ADAP2: variants seen among roughly 807,000 people sequenced by gnomAD.
ADAP2 encodes the protein arf-GAP with dual PH domain-containing protein 2.
Under a neutral mutation model 54.9 loss-of-function variants are expected in ADAP2, and 42 were observed. That is an observed-to-expected ratio of 0.77 (90% CI 0.60 to 0.99). The LOEUF (loss-of-function observed/expected upper bound fraction) is 0.99. Among genes scored for constraint, ADAP2 ranks in the 50% least tolerant of loss-of-function variants. The probability of loss-of-function intolerance (pLI) is 0.00; values close to 1 mark genes in which losing one functional copy is unlikely to be tolerated. For missense variants in ADAP2, 429 were observed against 480.4 expected (o/e 0.89, Z 1.00); for synonymous variants, 177 against 180.1 (o/e 0.98, Z 0.14).
rs1278112850 is a variant in ADAP2 at position 30,951,627 on chromosome 17, C to T, written c.742-1661C>T. Among the ~76,000 whole-genome samples the T allele has an allele frequency of 1.0e-4, 15 of 150,740 alleles. 1 individual carries two copies. The highest frequency in any genetic ancestry group is 9.9e-4 in the Admixed American group (15 of 15,120). ...CTGGGATTACAGGTGTGAGCCACTG[C>T]ATCTGACCAATATTTTCTTTTCTTT... On this transcript the variant is annotated intron_variant, in intron 7 of 10. Coordinates refer to ENST00000330889, the MANE Select transcript of ADAP2 (RefSeq NM_018404.3).
chr17:30,954,282 G>T (rs1286304834), intron 8 of ADAP2, 196 bp from the exon 9 acceptor site: 10 of 560,826 alleles, frequency 1.8e-5, no homozygotes, highest in Non-Finnish European at 3.3e-5. Flanking sequence ...GTTGGAAGGG[G>T]AATGGGCAGA....
intron 4 of ADAP2, among the ~76,000 whole-genome samples, chr17:30,933,348 T>C (rs1257314227): frequency 6.7e-6 from 1 of 148,598 alleles, no homozygotes; most frequent in Non-Finnish European, 1.5e-5. Flanking sequence ...CAACCACACC[T>C]GGCTAATGTT....
At chr17:30,937,224 T>A (rs1027303381) in intron 5 of ADAP2, among the ~76,000 whole-genome samples, 5 of 151,382 alleles carry the variant, frequency 3.3e-5, no homozygotes, top group African/African-American at 1.2e-4. Context: ...GCGCCCGGCC[T>A]ATTTATTTAT....
intron 10 of ADAP2, 62 bp from the exon 11 acceptor site, chr17:30,957,773 T>A (rs1905178747): frequency 6.5e-7 from 1 of 1,536,602 alleles, no homozygotes; most frequent in African/African-American, 1.4e-5. Context: ...TTGCTGTCCC[T>A]CTCCTCCACA....
intron 3 of ADAP2, among the ~76,000 whole-genome samples, 181 bp from the exon 4 acceptor site, chr17:30,931,708 C>G (rs1911496715): frequency 6.6e-6 from 1 of 151,704 alleles, no homozygotes; most frequent in South Asian, 2.1e-4. Flanking sequence ...GTGATCCCAG[C>G]TACTTAAGAG....
At position 30,949,320 on chromosome 17, in the gene ADAP2, G is replaced by T; in HGVS notation, c.691G>T (p.Ala231Ser). The T allele has an allele frequency of 1.2e-6, 2 of 1,614,176 alleles. No individual in the cohort carries two copies. The highest frequency in any genetic ancestry group is 1.7e-6 in the Non-Finnish European group (2 of 1,180,024). Residue 231 changes from alanine (A) to serine (S), a missense_variant, in exon 7 of 11, where the codon GCC becomes TCC. By Grantham distance (99) the Ala-to-Ser change is moderately conservative (BLOSUM62 1). Coordinates refer to ENST00000330889, the MANE Select transcript of ADAP2 (RefSeq NM_018404.3). ...GGACTGGTTCAATGCCCTCCGTGCA[G>T]CCCGTCTGCAGTACCTAAAAATGGC... Reference protein sequence around the residue: ...IVDWFNALRAARLQYLKMAFP... With the variant: ...IVDWFNALRASRLQYLKMAFP...
At chr17:30,950,291 C>T (rs2142579605) in intron 7 of ADAP2, among the ~76,000 whole-genome samples, 1 of 152,308 alleles carries the variant, frequency 6.6e-6, no homozygotes, top group East Asian at 1.9e-4. Flanking sequence ...CTCCAGACTT[C>T]TGGGGCCTTC....
intron 4 of ADAP2, among the ~76,000 whole-genome samples, chr17:30,933,540 C>A (rs1168631442): frequency 6.6e-6 from 1 of 152,162 alleles, no homozygotes. Flanking sequence ...CACTGTGTCA[C>A]CCAGGCTGGA....
At chr17:30,922,176 C>A in intron 1 of ADAP2, 68 bp downstream of exon 1, 1 of 1,128,292 alleles carries the variant, frequency 8.9e-7, no homozygotes, top group South Asian at 4.3e-5. Flanking sequence ...GACTCCTCCC[C>A]TCGGCCCCAC....
At chr17:30,942,352 G>A (rs1651818437) in intron 5 of ADAP2, among the ~76,000 whole-genome samples, 1 of 152,146 alleles carries the variant, frequency 6.6e-6, no homozygotes, top group African/African-American at 2.4e-5. Flanking sequence ...GTGAGTATAT[G>A]GGGAAAGGGG....
Position 30,931,925 on chromosome 17 carries a change from G to A in ADAP2, c.354G>A (p.Glu118=). Residue 118 remains glutamate (E), a synonymous_variant, in exon 4 of 11, where the codon GAG becomes GAA. Transcript: ENST00000330889. The part of the protein sequence containing the change: ...LKEQWIRAKY[E]RREFMADGET... ...AACAATGGATTCGAGCTAAGTATGA[G>A]AGACGGGAATTTATGGCTGATGGGG... is the stretch of plus-strand genomic sequence containing the variant. 1 of 1,614,020 alleles carries A rather than the reference G, an allele frequency of 6.2e-7. No homozygotes were observed. The highest frequency in any genetic ancestry group is 1.1e-5 in the South Asian group (1 of 91,068).
In ADAP2 at chr17:30,944,963, A is replaced by G. The variant is rs1210293610; in HGVS notation, c.567A>G (p.Thr189=). 1 of 1,614,036 alleles carries G rather than the reference A, an allele frequency of 6.2e-7. No individual in the cohort carries two copies. Among genetic ancestry groups the G allele is most frequent in the Non-Finnish European group, 8.5e-7 (1 of 1,180,032 alleles). ...AGGACTTGAATGCCACCTTCCAGAC[A>G]GAGAAGATAGGGCACCCCCATGGGC... The part of the protein sequence containing the change: ...SIKDLNATFQ[T]EKIGHPHGLQ... Residue 189 remains threonine, a synonymous_variant, in exon 6 of 11, where the codon ACA becomes ACG. Coordinates refer to ENST00000330889, the MANE Select transcript of ADAP2 (RefSeq NM_018404.3).
intron 4 of ADAP2, 101 bp from the exon 5 acceptor site, chr17:30,934,084 G>T (rs370913494): frequency 1.3e-5 from 10 of 798,026 alleles, no homozygotes; most frequent in East Asian, 5.2e-5. Flanking sequence ...TTTGGCAGCA[G>T]ATGGAAGGCT....
intron 4 of ADAP2, among the ~76,000 whole-genome samples, chr17:30,932,539 C>A (rs1277829598): frequency 6.6e-6 from 1 of 151,254 alleles, no homozygotes; most frequent in Non-Finnish European, 1.5e-5. Flanking sequence ...CAGGCATGAG[C>A]CACTGTGCCC....
At position 30,959,105 on chromosome 17, in the gene ADAP2, G is replaced by C. The variant is rs187630856; in HGVS notation, c.*1236G>C. On this transcript the variant is annotated 3_prime_UTR_variant, in exon 11 of 11. Coordinates refer to ENST00000330889, the MANE Select transcript of ADAP2 (RefSeq NM_018404.3). ...GCATTAAGGGCCAGTTTACTTGTCT[G>C]CCTCTTTGACCACCTGTGAACTCTG... The C allele has an allele frequency of 6.6e-6, 1 of 152,256 alleles. No individual in the cohort carries two copies. The highest frequency in any genetic ancestry group is 1.5e-5 in the Non-Finnish European group (1 of 68,030). The allele number at this position is 152,256 out of a possible 1,614,324, so 9.4% of individuals were successfully genotyped here. A position where few individuals can be genotyped will look rare whatever the true frequency, so the allele number is the denominator to read the frequency against.
chr17:30,934,095 T>G, intron 4 of ADAP2, 90 bp from the exon 5 acceptor site: 1 of 910,092 alleles, frequency 1.1e-6, no homozygotes, highest in South Asian at 1.5e-5. Context: ...ATGGAAGGCT[T>G]ATTCCACCCT....
At chr17:30,927,333 G>C (rs764650226) in intron 3 of ADAP2, among the ~76,000 whole-genome samples, 1 of 152,120 alleles carries the variant, frequency 6.6e-6, no homozygotes, top group African/African-American at 2.4e-5. Context: ...TCTAGAGCTG[G>C]CCAGGCACGG....
chr17:30,925,981 C>G (rs866000920), intron 2 of ADAP2, among the ~76,000 whole-genome samples: 1 of 152,162 alleles, frequency 6.6e-6, no homozygotes, highest in African/African-American at 2.4e-5. Flanking sequence ...GATCCCCAGC[C>G]TTGGCCTCCC....
intron 6 of ADAP2, among the ~76,000 whole-genome samples, chr17:30,948,147 G>T (rs889591912): frequency 6.6e-6 from 1 of 152,214 alleles, no homozygotes; most frequent in East Asian, 1.9e-4. Flanking sequence ...GGAACAGTAG[G>T]TGTTGGGAGA....
Sources: allele counts gnomAD v4.1 joint callset (sites outside exome capture counted in the v4.1 genomes callset), GRCh38; gene constraint gnomAD v4.1.1; transcripts MANE v1.5; gene names NCBI Gene and HGNC (gene_info 2026-07-23, HGNC 2026-07-21).